PROSER1: variants seen among roughly 807,000 people sequenced by gnomAD.
PROSER1 encodes the protein proline and serine-rich protein 1.
PROSER1 carries 36 observed loss-of-function variants against 71.8 expected under a neutral mutation model. The observed-to-expected ratio is 0.50, with a 90% CI of 0.38 to 0.66. PROSER1 has a LOEUF of 0.66. Ranked by LOEUF, PROSER1 falls within the 30% of genes least tolerant of loss-of-function variation. The probability of loss-of-function intolerance (pLI) is 0.00; values close to 1 mark genes in which losing one functional copy is unlikely to be tolerated. For missense variants in PROSER1, 1,107 were observed against 1,135.0 expected, an observed-to-expected ratio of 0.98 and a Z score of 0.35; for synonymous variants, 490 against 452.4, an observed-to-expected ratio of 1.08 and a Z score of -1.06.
chr13:39,036,840 G>A (rs745471523), intron 1 of PROSER1, among the ~76,000 whole-genome samples: 8 of 152,012 alleles, frequency 5.3e-5, no homozygotes, highest in Admixed American at 1.3e-4. Context: ...ATTACCTCTC[G>A]TTTTCAGTCA....
intron 8 of PROSER1, chr13:39,022,677 G>A (rs1184557643): frequency 2.4e-6 from 1 of 421,902 alleles, no homozygotes. Context: ...GGCAGAACCT[G>A]CTATACTTAC....
intron 5 of PROSER1, 63 bp from the exon 6 acceptor site, chr13:39,026,450 T>A: frequency 1.0e-6 from 1 of 989,558 alleles, no homozygotes. Flanking sequence ...TTCTGAACAT[T>A]GGGAGCTCAG....
At chr13:39,034,098 G>A in intron 2 of PROSER1, 33 bp downstream of exon 2, 1 of 1,461,344 alleles carries the variant, frequency 6.8e-7, no homozygotes, top group East Asian at 2.5e-5. Flanking sequence ...GGTATAAAAA[G>A]AAAGCTTTGT....
chr13:39,034,048 T>C, intron 2 of PROSER1, 83 bp downstream of exon 2: 1 of 984,988 alleles, frequency 1.0e-6, no homozygotes, highest in Non-Finnish European at 1.5e-6. Context: ...GTAAAACCAA[T>C]TCTGAATTCG....
intron 9 of PROSER1, among the ~76,000 whole-genome samples, chr13:39,020,285 A>G (rs1367236444): frequency 6.6e-6 from 1 of 152,126 alleles, no homozygotes; most frequent in Non-Finnish European, 1.5e-5. Flanking sequence ...TGATATAAAG[A>G]TATATACACA....
chr13:39,015,855 C>A (rs542056283), intron 10 of PROSER1, among the ~76,000 whole-genome samples: 46 of 151,580 alleles, frequency 3.0e-4, no homozygotes, highest in Non-Finnish European at 2.6e-4. Flanking sequence ...TGGATTTGTA[C>A]GTTTTTTGTA....
chr13:39,011,340 G>A lies in PROSER1; in HGVS notation c.*25C>T. 1 of 1,611,792 alleles carries A rather than the reference G, an allele frequency of 6.2e-7. No individual in the cohort carries two copies. The highest frequency in any genetic ancestry group is 8.5e-7 in the Non-Finnish European group (1 of 1,178,462). On this transcript the variant is annotated 3_prime_UTR_variant, in exon 13 of 13. Transcript: ENST00000352251. ...TCTCAGGCAATTCTGATGTTGCTCT[G>A]AAGGAGAATAAAAGTTAAAAGTATT...
chr13:39,014,481 A>G lies in PROSER1; in HGVS notation c.776-5T>C, dbSNP rs769943237. 6 of 1,587,764 alleles carry G rather than the reference A, an allele frequency of 3.8e-6. 1 individual carries two copies. In the South Asian group the frequency reaches 6.8e-5, roughly 18 times the overall value. ...GACTTGCTGGGGTGGAAAATGCTAT[A>G]TGGAAGGGGGAAAAAAGGCAAGAAT... On this transcript the variant is annotated splice_polypyrimidine_tract_variant and splice_region_variant and intron_variant, in intron 10 of 12. Transcript: ENST00000352251.
intron 9 of PROSER1, among the ~76,000 whole-genome samples, chr13:39,019,479 G>GCACT (rs561398967): frequency 3.5e-4 from 45 of 128,826 alleles, no homozygotes; most frequent in East Asian, 3.1e-3. Context: ...TTGCGCCACT[G>GCACT]CACTTTAGCC....
intron 12 of PROSER1, among the ~76,000 whole-genome samples, 182 bp downstream of exon 12, chr13:39,011,901 T>C (rs1037602575): frequency 4.6e-5 from 7 of 152,186 alleles, no homozygotes; most frequent in African/African-American, 1.7e-4. Context: ...GTTACTCTCC[T>C]GAAAGAAGAC....
At chr13:39,018,609 A>G (rs897396122) in intron 9 of PROSER1, among the ~76,000 whole-genome samples, 7 of 152,102 alleles carry the variant, frequency 4.6e-5, no homozygotes, top group African/African-American at 1.7e-4. Flanking sequence ...AAATAAAATG[A>G]CTAAAAGTTA....
intron 1 of PROSER1, among the ~76,000 whole-genome samples, chr13:39,036,898 C>A (rs2138142552): frequency 6.6e-6 from 1 of 152,242 alleles, no homozygotes; most frequent in Admixed American, 6.5e-5. Flanking sequence ...AATATTAAAC[C>A]CCTTACCCAA....
intron 6 of PROSER1, 106 bp downstream of exon 6, chr13:39,026,171 T>C (rs1870535700): frequency 1.5e-6 from 1 of 681,058 alleles, no homozygotes; most frequent in Non-Finnish European, 2.5e-6. Context: ...AGCCTGTGAA[T>C]TAAGTTACCG....
intron 10 of PROSER1, among the ~76,000 whole-genome samples, chr13:39,016,401 C>G (rs1309489957): frequency 6.6e-6 from 1 of 152,294 alleles, no homozygotes; most frequent in Admixed American, 6.5e-5. Flanking sequence ...CATGGTGGAG[C>G]CAAGACTTGA....
At position 39,010,082 on chromosome 13, in the gene PROSER1, C is replaced by T. The variant is rs964158119; in HGVS notation, c.*1283G>A. On this transcript the variant is annotated 3_prime_UTR_variant, in exon 13 of 13. Coordinates refer to ENST00000352251, the MANE Select transcript of PROSER1 (RefSeq NM_025138.5). ...ACAACTAAATTTGGATAAAAATGTTCAATAATTAACTCTAGCACGTATACA... is the reference window on the plus strand; with the variant it reads ...ACAACTAAATTTGGATAAAAATGTTTAATAATTAACTCTAGCACGTATACA... The T allele has an allele frequency of 6.6e-6, 1 of 152,462 alleles. No homozygotes were observed. The highest frequency in any genetic ancestry group is 1.5e-5 in the Non-Finnish European group (1 of 67,988). The allele number at this position is 152,462 out of a possible 1,614,324, so 9.4% of individuals were successfully genotyped here.
At chr13:39,034,655 G>A (rs1458217650) in intron 1 of PROSER1, among the ~76,000 whole-genome samples, 1 of 152,184 alleles carries the variant, frequency 6.6e-6, no homozygotes, top group Non-Finnish European at 1.5e-5. Flanking sequence ...AGGTCTAGTT[G>A]AGGCTCTCAG....
intron 2 of PROSER1, 93 bp from the exon 3 acceptor site, chr13:39,031,724 G>T: frequency 9.5e-7 from 1 of 1,055,236 alleles, no homozygotes; most frequent in Non-Finnish European, 1.5e-6. Flanking sequence ...GACACGTGCA[G>T]CCCAGGCCCA....
At chr13:39,027,069 G>C (rs958362864) in intron 5 of PROSER1, among the ~76,000 whole-genome samples, 2 of 150,590 alleles carry the variant, frequency 1.3e-5, no homozygotes, top group Non-Finnish European at 2.9e-5. Context: ...TTATGTTATA[G>C]AAATATCCAG....
chr13:39,016,154 C>T (rs772172424), intron 10 of PROSER1, among the ~76,000 whole-genome samples: 5 of 151,948 alleles, frequency 3.3e-5, no homozygotes, highest in South Asian at 2.1e-4. Context: ...AAAAATGAAA[C>T]GAACAAAAAT....
Sources: gnomAD v4.1 joint callset for allele counts (sites outside exome capture counted in the v4.1 genomes callset) on GRCh38, gnomAD v4.1.1 for gene constraint, MANE v1.5 for transcripts, NCBI Gene and HGNC (gene_info 2026-07-23, HGNC 2026-07-21) for gene names.